Variants in OPCML observed in about 807,000 individuals in gnomAD.
OPCML encodes the protein opioid binding protein/cell adhesion molecule like.
OPCML carries 13 observed loss-of-function variants against 37.8 expected under a neutral mutation model. The ratio of observed to expected loss-of-function variants is 0.34; its 90% CI spans 0.22 to 0.55. The LOEUF (loss-of-function observed/expected upper bound fraction) is 0.55. Among genes scored for constraint, OPCML ranks in the 20% least tolerant of loss-of-function variants. The probability of loss-of-function intolerance (pLI) is 0.91; values close to 1 mark genes in which losing one functional copy is unlikely to be tolerated. For synonymous variants in OPCML, 176 were observed against 168.8 expected (o/e 1.04, Z -0.33); for missense variants, 341 against 435.6 (o/e 0.78, Z 1.93).
intron 1 of OPCML, among the ~76,000 whole-genome samples, chr11:133,248,142 C>T (rs1235900831): frequency 1.3e-5 from 2 of 152,042 alleles, no homozygotes; most frequent in Non-Finnish European, 2.9e-5. Context: ...GATTATGAAG[C>T]AATGGAAGGA....
intron 2 of OPCML, among the ~76,000 whole-genome samples, chr11:132,663,909 T>C (rs1222663024): frequency 6.6e-6 from 1 of 152,170 alleles, no homozygotes; most frequent in African/African-American, 2.4e-5. Context: ...CTCGGCTCAC[T>C]GCAAGCTCCG....
intron 1 of OPCML, among the ~76,000 whole-genome samples, chr11:133,259,339 C>G (rs1274386252): frequency 6.6e-6 from 1 of 152,150 alleles, no homozygotes; most frequent in Non-Finnish European, 1.5e-5. Flanking sequence ...TCTCTAGTTT[C>G]TAGAAGTAAA....
chr11:132,950,652 A>C (rs897930232), intron 1 of OPCML, among the ~76,000 whole-genome samples: 3 of 152,082 alleles, frequency 2.0e-5, no homozygotes, highest in African/African-American at 7.2e-5. Context: ...AATAGTGGTA[A>C]AGCTCTGCTG....
At chr11:132,841,789 A>C (rs770920888) in intron 2 of OPCML, among the ~76,000 whole-genome samples, 2 of 137,974 alleles carry the variant, frequency 1.4e-5, no homozygotes, top group Non-Finnish European at 3.1e-5. Context: ...TGAACCTGGG[A>C]GCAAGAGGTT....
At chr11:132,523,008 C>T (rs1252708241) in intron 4 of OPCML, among the ~76,000 whole-genome samples, 1 of 152,214 alleles carries the variant, frequency 6.6e-6, no homozygotes, top group Non-Finnish European at 1.5e-5. Context: ...CTGATCTCGG[C>T]TCACTGCAAC....
At chr11:133,282,600 C>A (rs892893213) in intron 1 of OPCML, among the ~76,000 whole-genome samples, 3 of 152,162 alleles carry the variant, frequency 2.0e-5, no homozygotes, top group South Asian at 4.1e-4. Flanking sequence ...ATGCAGTTTC[C>A]ACCAGGGAAC....
At chr11:132,653,421 C>A (rs967065095) in intron 3 of OPCML, among the ~76,000 whole-genome samples, 7 of 152,106 alleles carry the variant, frequency 4.6e-5, no homozygotes, top group Admixed American at 4.6e-4. Context: ...TCCTGCTCTG[C>A]GGGGCTGCCA....
At chr11:133,507,682 C>T (rs914268249) in intron 1 of OPCML, among the ~76,000 whole-genome samples, 1 of 152,142 alleles carries the variant, frequency 6.6e-6, no homozygotes, top group Non-Finnish European at 1.5e-5. Context: ...CAGTGGCTCA[C>T]GCTTGTAATC....
chr11:133,339,158 C>T (rs1437614222), intron 1 of OPCML, among the ~76,000 whole-genome samples: 1 of 152,204 alleles, frequency 6.6e-6, no homozygotes, highest in Admixed American at 6.5e-5. Flanking sequence ...CCACTCTTAT[C>T]AGCAAAATAT....
intron 2 of OPCML, among the ~76,000 whole-genome samples, chr11:132,839,921 T>G (rs80292485): frequency 0.053 from 8,095 of 152,252 alleles, 242 homozygotes; most frequent in Middle Eastern, 0.088. Context: ...TCCGTCCCAT[T>G]AAGACTTCCT....
chr11:132,499,170 G>C (rs544897340), intron 4 of OPCML, among the ~76,000 whole-genome samples: 2 of 152,206 alleles, frequency 1.3e-5, no homozygotes, highest in Non-Finnish European at 2.9e-5. Flanking sequence ...GATATGTGAT[G>C]ATTCCAGGTG....
At chr11:133,330,057 T>C (rs977676089) in intron 1 of OPCML, among the ~76,000 whole-genome samples, 2 of 152,144 alleles carry the variant, frequency 1.3e-5, no homozygotes, top group African/African-American at 4.8e-5. Context: ...AAGAAGACAT[T>C]TATGCAGCCA....
chr11:132,962,817 C>T (rs528505458), intron 1 of OPCML, among the ~76,000 whole-genome samples: 14 of 152,280 alleles, frequency 9.2e-5, no homozygotes, highest in South Asian at 4.1e-4. Context: ...TGCTGTTTTT[C>T]GTACAATATT....
At chr11:132,952,132 A>G (rs1466938039) in intron 1 of OPCML, among the ~76,000 whole-genome samples, 3 of 152,214 alleles carry the variant, frequency 2.0e-5, no homozygotes, top group African/African-American at 2.4e-5. Flanking sequence ...GCGTATTTGT[A>G]TGACAGAAAC....
chr11:133,388,889 A>G (rs984007487), intron 1 of OPCML, among the ~76,000 whole-genome samples: 9 of 152,240 alleles, frequency 5.9e-5, no homozygotes, highest in Admixed American at 4.6e-4. Flanking sequence ...AGCCATGGTC[A>G]TTAGTGTTTC....
intron 1 of OPCML, among the ~76,000 whole-genome samples, chr11:133,478,703 C>T (rs76952765): frequency 0.011 from 1,741 of 152,286 alleles, 21 homozygotes; most frequent in Non-Finnish European, 0.02. Context: ...CAAACTAAAA[C>T]GATACTTTCT....
chr11:132,768,523 CTG>C (rs976694227), intron 2 of OPCML, among the ~76,000 whole-genome samples: 20 of 152,324 alleles, frequency 1.3e-4, no homozygotes, highest in African/African-American at 4.8e-4. Flanking sequence ...TATATCTACA[CTG>C]AGTGCTCTCA....
chr11:132,980,607 T>G (rs936410776), intron 1 of OPCML, among the ~76,000 whole-genome samples: 1 of 152,210 alleles, frequency 6.6e-6, no homozygotes, highest in Non-Finnish European at 1.5e-5. Context: ...CAAATTTAAT[T>G]TTTAAGTGTG....
chr11:133,345,098 A>C (rs73602436), intron 1 of OPCML, among the ~76,000 whole-genome samples: 2,347 of 152,202 alleles, frequency 0.015, 68 homozygotes, highest in African/African-American at 0.055. Context: ...CCCCTATATC[A>C]AGCACAGAGG....
Sources: allele counts gnomAD v4.1 joint callset (sites outside exome capture counted in the v4.1 genomes callset), GRCh38; gene constraint gnomAD v4.1.1; transcripts MANE v1.5; gene names NCBI Gene and HGNC (gene_info 2026-07-23, HGNC 2026-07-21).